POC1B: variants seen among roughly 807,000 people sequenced by gnomAD.
POC1B encodes POC1 centriolar protein B, also known as POC1 centriolar protein homolog B.
POC1B carries 44 observed loss-of-function variants against 60.6 expected under a neutral mutation model. That is an observed-to-expected ratio of 0.73 (90% CI 0.57 to 0.93). POC1B has a LOEUF of 0.93. POC1B is among the 40% of genes least tolerant of loss of function. The probability of loss-of-function intolerance (pLI) is 0.00; values close to 1 mark genes in which losing one functional copy is unlikely to be tolerated. For missense variants in POC1B, 555 were observed against 572.3 expected, an observed-to-expected ratio of 0.97 and a Z score of 0.31; for synonymous variants, 180 against 198.9, an observed-to-expected ratio of 0.90 and a Z score of 0.80.
At chr12:89,454,604 C>T (rs1882179909) in intron 10 of POC1B, among the ~76,000 whole-genome samples, 1 of 152,180 alleles carries the variant, frequency 6.6e-6, no homozygotes, top group Non-Finnish European at 1.5e-5. Flanking sequence ...ATAGCCATGA[C>T]TTGCTCCCTT....
the POC1B span, among the ~76,000 whole-genome samples, chr12:89,407,202 A>G: frequency 6.8e-6 from 1 of 146,902 alleles, no homozygotes; most frequent in Non-Finnish European, 1.5e-5. Context: ...TTCACTTGAT[A>G]TTGATTTTTC....
At chr12:89,523,617 T>G in intron 2 of POC1B, 1 of 1,553,118 alleles carries the variant, frequency 6.4e-7, no homozygotes, top group Non-Finnish European at 8.7e-7. Context: ...CAAACAGTCC[T>G]CCAGCCATGG....
At chr12:89,467,958 ACATATGTAAGTT>A (rs1882746959) in intron 7 of POC1B, among the ~76,000 whole-genome samples, 1 of 152,236 alleles carries the variant, frequency 6.6e-6, no homozygotes, top group South Asian at 2.1e-4. Flanking sequence ...AAAAGCTTTT[ACATATGTAAGTT>A]CATAAGAATT....
At chr12:89,406,045 C>A in the POC1B span, among the ~76,000 whole-genome samples, 1 of 142,494 alleles carries the variant, frequency 7.0e-6, no homozygotes, top group Non-Finnish European at 1.5e-5. Flanking sequence ...TTCTGCTTGG[C>A]ATTTTTGTAT....
At chr12:89,480,701 C>T (rs1185541855) in intron 4 of POC1B, among the ~76,000 whole-genome samples, 20 of 151,082 alleles carry the variant, frequency 1.3e-4, no homozygotes, top group African/African-American at 4.4e-4. Flanking sequence ...CTGGGGTTCA[C>T]GCCATTCTCT....
the POC1B span, among the ~76,000 whole-genome samples, chr12:89,405,525 C>T: frequency 3.0e-4 from 46 of 152,204 alleles, no homozygotes; most frequent in Non-Finnish European, 5.6e-4. Context: ...TGCCTGTAAT[C>T]CTAAACTCCA....
In POC1B at chr12:89,525,523, G is replaced by A. The variant is rs576969941; in HGVS notation, c.16-319C>T. 1,647 of 1,307,756 alleles carry A rather than the reference G, an allele frequency of 1.3e-3. 2 individuals carry two copies. Among genetic ancestry groups the A allele is most frequent in the Non-Finnish European group, 1.2e-3 (1,211 of 1,032,822 alleles). 81.0% of individuals were successfully genotyped at this position (1,307,756 alleles called of 1,614,324 possible). A position where few individuals can be genotyped will look rare whatever the true frequency, so the allele number is the denominator to read the frequency against. Reference sequence around the variant, plus strand: ...CCCGCCCGCTGGCCCAAGGCAGGCAGGTGCGAGGATGCGCCTCGGCTTTGG... The same window carrying A: ...CCCGCCCGCTGGCCCAAGGCAGGCAAGTGCGAGGATGCGCCTCGGCTTTGG... On this transcript the variant is annotated intron_variant, in intron 1 of 11. Transcript: ENST00000313546.
intron 2 of POC1B, chr12:89,523,084 G>A: frequency 1.2e-6 from 2 of 1,613,830 alleles, no homozygotes; most frequent in Non-Finnish European, 1.7e-6. Context: ...TTTGTTTGAA[G>A]TATATTCAAA....
At chr12:89,476,618 G>C (rs373944757) in intron 4 of POC1B, among the ~76,000 whole-genome samples, 1 of 152,086 alleles carries the variant, frequency 6.6e-6, no homozygotes, top group East Asian at 1.9e-4. Flanking sequence ...TAAGGCAAGA[G>C]AATCAGGGAG....
Position 89,491,962 on chromosome 12 carries a change from T to C in POC1B, c.426A>G (p.Arg142=), listed in dbSNP as rs890060553. The change falls in exon 4 of 12, where the codon CGA becomes CGG. Residue 142 remains arginine (R), a synonymous_variant. Coordinates refer to ENST00000313546, the MANE Select transcript of POC1B (RefSeq NM_172240.3). The part of the protein sequence containing the change: ...YRQRFLYSLY[R]HTHWVRCAKF... The stretch of plus-strand genomic sequence containing the variant: ...TGGCACAGCGTACCCAGTGTGTATG[T>C]CGATACAAGGAATACAGGAAGCGCT... 25 of 1,577,354 alleles carry C rather than the reference T, an allele frequency of 1.6e-5. No individual in the cohort carries two copies. The highest frequency in any genetic ancestry group is 3.9e-5 in the Admixed American group (2 of 50,746).
At chr12:89,459,460 G>A (rs1184160025) in intron 10 of POC1B, among the ~76,000 whole-genome samples, 178 bp downstream of exon 10, 1 of 148,852 alleles carries the variant, frequency 6.7e-6, no homozygotes, top group African/African-American at 2.5e-5. Context: ...CTCCCCCCTT[G>A]TGGTAAACTA....
At chr12:89,415,568 G>A (rs192626725), downstream of POC1B, among the ~76,000 whole-genome samples, 717 of 151,996 alleles carry the variant, frequency 4.7e-3, 10 homozygotes, top group African/African-American at 0.016. Flanking sequence ...GCGTGAACCC[G>A]GGAGGCGGAG....
At chr12:89,518,878 T>C (rs1392232288) in intron 2 of POC1B, among the ~76,000 whole-genome samples, 1 of 152,174 alleles carries the variant, frequency 6.6e-6, no homozygotes, top group African/African-American at 2.4e-5. Context: ...AGGTCACCTA[T>C]ATATATGCTA....
chr12:89,432,962 T>G (rs1474677202), intron 10 of POC1B, among the ~76,000 whole-genome samples: 1 of 152,044 alleles, frequency 6.6e-6, no homozygotes, highest in Non-Finnish European at 1.5e-5. Flanking sequence ...GCCCTTGAGG[T>G]TGAAGACTAC....
At chr12:89,434,352 C>T (rs938971576) in intron 10 of POC1B, among the ~76,000 whole-genome samples, 2 of 152,142 alleles carry the variant, frequency 1.3e-5, no homozygotes, top group Non-Finnish European at 2.9e-5. Context: ...TCAGTCACCT[C>T]GGAAAAGACA....
intron 10 of POC1B, among the ~76,000 whole-genome samples, chr12:89,447,044 T>C (rs1881819765): frequency 6.6e-6 from 1 of 152,222 alleles, no homozygotes; most frequent in African/African-American, 2.4e-5. Context: ...CTTTGTAGGA[T>C]AAATGAATAG....
At chr12:89,517,003 A>G (rs1870471604) in intron 2 of POC1B, among the ~76,000 whole-genome samples, 1 of 152,088 alleles carries the variant, frequency 6.6e-6, no homozygotes, top group Non-Finnish European at 1.5e-5. Flanking sequence ...CCTCCCAAAT[A>G]AGGTCACATC....
intron 2 of POC1B, among the ~76,000 whole-genome samples, chr12:89,514,003 C>T (rs899218903): frequency 6.6e-6 from 1 of 152,188 alleles, no homozygotes; most frequent in African/African-American, 2.4e-5. Context: ...CTCCCATCCT[C>T]TTCCCTCTCA....
chr12:89,468,221 T>C (rs1882757128), intron 7 of POC1B, among the ~76,000 whole-genome samples: 1 of 152,152 alleles, frequency 6.6e-6, no homozygotes, highest in African/African-American at 2.4e-5. Context: ...CTGAGAAAGA[T>C]GAATTGGAGT....
Sources: gnomAD v4.1 joint callset for allele counts (sites outside exome capture counted in the v4.1 genomes callset) on GRCh38, gnomAD v4.1.1 for gene constraint, MANE v1.5 for transcripts, NCBI Gene and HGNC (gene_info 2026-07-23, HGNC 2026-07-21) for gene names.